DCBLD2: variants seen among roughly 807,000 people sequenced by gnomAD.
DCBLD2 encodes the protein discoidin, CUB and LCCL domain containing 2, also known as discoidin, CUB and LCCL domain-containing protein 2.
A neutral mutation model predicts 86.8 loss-of-function variants in DCBLD2; 54 were observed. The observed-to-expected ratio is 0.62, with a 90% CI of 0.50 to 0.78. DCBLD2 has a LOEUF of 0.78. DCBLD2 is among the 30% of genes least tolerant of loss of function. DCBLD2 has a pLI of 0.00. For synonymous variants in DCBLD2, 354 were observed against 341.3 expected (o/e 1.04, Z -0.41); for missense variants, 908 against 954.2 (o/e 0.95, Z 0.64).
intron 13 of DCBLD2, among the ~76,000 whole-genome samples, chr3:98,803,436 G>A (rs1016545995): frequency 1.2e-4 from 18 of 152,332 alleles, no homozygotes; most frequent in Non-Finnish European, 2.2e-4. Flanking sequence ...AGCTTAAGAA[G>A]ATTTTGGGCT....
chr3:98,841,622 A>C (rs1942622454), intron 3 of DCBLD2, among the ~76,000 whole-genome samples: 1 of 152,172 alleles, frequency 6.6e-6, no homozygotes, highest in Non-Finnish European at 1.5e-5. Flanking sequence ...ATTTTCCTTC[A>C]ATACTGTTTT....
At chr3:98,833,617 C>T (rs1280972358) in intron 3 of DCBLD2, among the ~76,000 whole-genome samples, 1 of 152,130 alleles carries the variant, frequency 6.6e-6, no homozygotes, top group Non-Finnish European at 1.5e-5. Context: ...GGTGGGGGTA[C>T]AGTGGTTGTG....
chr3:98,898,393 T>C (rs968545680), intron 1 of DCBLD2, among the ~76,000 whole-genome samples: 1 of 150,744 alleles, frequency 6.6e-6, no homozygotes, highest in Non-Finnish European at 1.5e-5. Flanking sequence ...TACCTCTCCA[T>C]ACTAGATGCA....
chr3:98,815,992 G>T (rs1942014912), intron 9 of DCBLD2: 1 of 149,134 alleles, frequency 6.7e-6, no homozygotes, highest in Admixed American at 6.7e-5. Context: ...TTCTAAATTT[G>T]ATGCAAATCA....
intron 2 of DCBLD2, among the ~76,000 whole-genome samples, chr3:98,863,057 G>A (rs982591887): frequency 6.6e-6 from 1 of 152,170 alleles, no homozygotes; most frequent in South Asian, 2.1e-4. Flanking sequence ...AAAAATCACA[G>A]GCATTCTTAT....
rs1330082723 is a variant in DCBLD2 at position 98,819,288 on chromosome 3, T to C, written c.1001A>G (p.Lys334Arg). The change falls in exon 8 of 16, where the codon AAA (lysine) becomes AGA (arginine). Residue 334 changes from lysine (K) to arginine (R), a missense_variant. Physicochemically the swap from Lys to Arg is conservative, Grantham distance 26 (BLOSUM62 2). Coordinates refer to ENST00000326840, the MANE Select transcript of DCBLD2 (RefSeq NM_080927.4). ...NSWKPKKARL[K>R]KPGPPWAAFA... ...AGCAGCCCAAGGCGGTCCAGGTTTT[T>C]TCAGCCTGGCTTTTTTGGGTTTCCA... 1 of 1,613,678 alleles carries C rather than the reference T, an allele frequency of 6.2e-7. No homozygotes were observed. The highest frequency in any genetic ancestry group is 8.5e-7 in the Non-Finnish European group (1 of 1,179,768).
intron 8 of DCBLD2, among the ~76,000 whole-genome samples, chr3:98,818,935 C>T (rs369248371): frequency 2.0e-5 from 3 of 152,136 alleles, no homozygotes; most frequent in East Asian, 3.9e-4. Flanking sequence ...TCATGTGAGT[C>T]GATACACCTT....
At chr3:98,884,595 A>T (rs1045526317) in intron 1 of DCBLD2, among the ~76,000 whole-genome samples, 1 of 152,024 alleles carries the variant, frequency 6.6e-6, no homozygotes, top group African/African-American at 2.4e-5. Flanking sequence ...CCACCCTAAG[A>T]CAGAGTTCCT....
intron 2 of DCBLD2, among the ~76,000 whole-genome samples, chr3:98,875,745 C>A (rs543508055): frequency 3.9e-5 from 6 of 152,068 alleles, no homozygotes; most frequent in Non-Finnish European, 8.8e-5. Flanking sequence ...CAGAAATAGA[C>A]CCAAGCACAT....
chr3:98,860,394 A>G (rs1382413699), intron 2 of DCBLD2, among the ~76,000 whole-genome samples: 1 of 152,190 alleles, frequency 6.6e-6, no homozygotes, highest in Non-Finnish European at 1.5e-5. Flanking sequence ...ATACTCCTCG[A>G]GAAGAGCAAC....
intron 1 of DCBLD2, among the ~76,000 whole-genome samples, chr3:98,884,290 T>C (rs1370317820): frequency 6.6e-6 from 1 of 151,942 alleles, no homozygotes; most frequent in African/African-American, 2.4e-5. Context: ...GAACTAGGCA[T>C]AGCAACTCAG....
chr3:98,836,589 G>A lies in DCBLD2; in HGVS notation c.572-11223C>T, dbSNP rs1039865022. Among the ~76,000 whole-genome samples the A allele has an allele frequency of 8.8e-5, 13 of 147,944 alleles. No homozygotes were observed. In the South Asian group the frequency reaches 1.1e-3, roughly 12 times the overall value. On this transcript the variant is annotated intron_variant, in intron 3 of 15. Transcript: ENST00000326840. Reference sequence around the variant, plus strand: ...AAAGCCGCCATTGTCATCCTGGCCCGTTCTCAATGAGCTGTTGGGCACACC... The same window carrying A: ...AAAGCCGCCATTGTCATCCTGGCCCATTCTCAATGAGCTGTTGGGCACACC...
At chr3:98,858,918 G>A (rs1272637131) in intron 2 of DCBLD2, among the ~76,000 whole-genome samples, 2 of 152,186 alleles carry the variant, frequency 1.3e-5, no homozygotes, top group Non-Finnish European at 2.9e-5. Context: ...TTCCAACTGA[G>A]GTACTGGCAT....
intron 6 of DCBLD2, 136 bp from the exon 7 acceptor site, chr3:98,820,424 C>CAACT: frequency 1.9e-6 from 1 of 535,972 alleles, no homozygotes; most frequent in Non-Finnish European, 3.0e-6. Context: ...AAAAATTAGA[C>CAACT]AACTAATATT....
rs537727228 is a variant in DCBLD2 at position 98,851,674 on chromosome 3, C to T, written c.434-2076G>A. ...AAGCTGGAGGCATCACGCTACCTGACTTCAAACTATACAAGGCTACAGTAA... is the reference window on the plus strand; with the variant it reads ...AAGCTGGAGGCATCACGCTACCTGATTTCAAACTATACAAGGCTACAGTAA... On this transcript the variant is annotated intron_variant, in intron 2 of 15. Transcript: ENST00000326840. 2.0e-5 allele frequency among the ~76,000 whole-genome samples: 3 copies of T among 152,330 alleles called. No individual in the cohort carries two copies. In the East Asian group the frequency reaches 5.8e-4, roughly 29 times the overall value.
intron 2 of DCBLD2, among the ~76,000 whole-genome samples, chr3:98,870,740 A>AGAAT (rs1943254151): frequency 8.1e-5 from 4 of 49,598 alleles, no homozygotes; most frequent in Non-Finnish European, 1.2e-4. Flanking sequence ...AGAAAGAAAA[A>AGAAT]GAAAGAAAGA....
intron 14 of DCBLD2, 137 bp from the exon 15 acceptor site, chr3:98,800,853 C>CTTTTT: frequency 7.1e-6 from 6 of 842,902 alleles, no homozygotes; most frequent in African/African-American, 3.7e-5. Flanking sequence ...TATAATCCAA[C>CTTTTT]TTTTTTTTTT....
intron 13 of DCBLD2, among the ~76,000 whole-genome samples, chr3:98,803,309 A>G (rs1222559477): frequency 6.6e-6 from 1 of 152,194 alleles, no homozygotes; most frequent in African/African-American, 2.4e-5. Flanking sequence ...TCTTTGAAGC[A>G]ATTGTGAATG....
chr3:98,881,254 CAAAAAAAAAAACAA>C (rs1423239928), intron 2 of DCBLD2, among the ~76,000 whole-genome samples: 4 of 59,812 alleles, frequency 6.7e-5, no homozygotes, highest in East Asian at 5.6e-4. Flanking sequence ...GACTCTGTCT[CAAAAAAAAAAACAA>C]AAAAAAAAAA....
Sources: allele counts gnomAD v4.1 joint callset (sites outside exome capture counted in the v4.1 genomes callset), GRCh38; gene constraint gnomAD v4.1.1; transcripts MANE v1.5; gene names NCBI Gene and HGNC (gene_info 2026-07-23, HGNC 2026-07-21).